AVPR1B: variants seen among roughly 807,000 people sequenced by gnomAD.
AVPR1B encodes the protein vasopressin V1b receptor.
Under a neutral mutation model 27.5 loss-of-function variants are expected in AVPR1B, and 25 were observed. The observed-to-expected ratio is 0.91, with a 90% confidence interval of 0.66 to 1.27. The LOEUF (loss-of-function observed/expected upper bound fraction) is 1.27. AVPR1B is among the 50% of genes most tolerant of loss of function. The pLI is 0.00. For missense variants in AVPR1B, 595 were observed against 556.9 expected (o/e 1.07, Z -0.69); for synonymous variants, 248 against 240.2 (o/e 1.03, Z -0.30).
rs1553290497 is a variant in AVPR1B, at chr1:206,116,232, C to T, written c.659G>A (p.Ser220Asn). ...LPVTMLTACY[S>N]LICHEICKNL... ...TTTACAGATCTCATGGCAGATGAGG[C>T]TGTAGCAGGCCGTGAGCATGGTCAC... is the stretch of plus-strand genomic sequence containing the variant. Residue 220 changes from serine (S) to asparagine (N), a missense_variant, in exon 1 of 2, where the codon AGC becomes AAC. Transcript: ENST00000367126. 1.2e-6 allele frequency: 2 copies of T among 1,613,720 alleles called. No homozygotes were observed. The highest frequency in any genetic ancestry group is 2.2e-5 in the South Asian group (2 of 91,078).
At chr1:206,115,012 T>A (rs1416030741) in intron 1 of AVPR1B, among the ~76,000 whole-genome samples, 3 of 152,184 alleles carry the variant, frequency 2.0e-5, no homozygotes. Flanking sequence ...AAGGGGCAGC[T>A]CCTCAGAGAT....
rs375758626 is a variant in AVPR1B at position 206,116,251 on chromosome 1, T to C, written c.640A>G (p.Met214Val). 2.5e-6 allele frequency: 4 copies of C among 1,613,564 alleles called. No homozygotes were observed. Among genetic ancestry groups the C allele is most frequent in the Non-Finnish European group, 3.4e-6 (4 of 1,179,998 alleles). Residue 214 changes from methionine (M) to valine (V), a missense_variant, in exon 1 of 2, where the codon ATG becomes GTG. Met to Val is a conservative substitution (Grantham distance 21). Coordinates refer to ENST00000367126, the MANE Select transcript of AVPR1B (RefSeq NM_000707.5). ...ATGAGGCTGTAGCAGGCCGTGAGCA[T>C]GGTCACCGGCAGAACGAAGATAGCC... Reference protein sequence around the residue: ...TLAIFVLPVTMLTACYSLICH... With the variant: ...TLAIFVLPVTVLTACYSLICH...
rs2102340308 is a variant in AVPR1B, at chr1:206,116,472, AG to A, written c.418del (p.Leu140CysfsTer38). The A allele has an allele frequency of 6.2e-7, 1 of 1,613,908 alleles. No individual in the cohort carries two copies. The highest frequency in any genetic ancestry group is 1.3e-5 in the African/African-American group (1 of 75,044). ...CTGGCCTGGCTGCTGGAGGCTGCGC[AG>A]GGGGTGACAGACAGCCAGGTAGCGG... ...LDRYLAVCHP[L>X]RSLQQPGQST... On this transcript the variant is annotated frameshift_variant, in exon 1 of 2. Transcript: ENST00000367126. LOFTEE classifies it high-confidence loss of function.
rs36106265 is a variant in AVPR1B at position 206,107,388 on chromosome 1, G to C, written c.*2801C>G. Among the ~76,000 whole-genome samples, 1,939 of 152,100 alleles carry C rather than the reference G, an allele frequency of 0.013. 51 individuals carry two copies. The highest frequency in any genetic ancestry group is 0.071 in the Admixed American group (1,082 of 15,270). The stretch of plus-strand genomic sequence containing the variant: ...CCCTCCTCCTTGAACCCTATCCAAG[G>C]CCCTTCCACTGGCCCAGACTGTCCA... On this transcript the variant is annotated 3_prime_UTR_variant, in exon 2 of 2. Transcript: ENST00000367126.
In AVPR1B at chr1:206,117,179, G is replaced by A; in HGVS notation, c.-289C>T. 2 of 399,862 alleles carry A rather than the reference G, an allele frequency of 5.0e-6. No individual in the cohort carries two copies. The highest frequency in any genetic ancestry group is 9.0e-6 in the Non-Finnish European group (2 of 223,280). 24.8% of individuals were successfully genotyped at this position (399,862 alleles called of 1,614,324 possible). ...CGGGAAGAATGGGGGACGCTGTGCA[G>A]AGTGAGGCTTCTGGGAGGGAAAGAA... On this transcript the variant is annotated 5_prime_UTR_variant, in exon 1 of 2. Coordinates refer to ENST00000367126, the MANE Select transcript of AVPR1B (RefSeq NM_000707.5).
intron 1 of AVPR1B, among the ~76,000 whole-genome samples, chr1:206,114,210 A>G (rs1399228202): frequency 6.6e-6 from 1 of 152,170 alleles, no homozygotes; most frequent in Non-Finnish European, 1.5e-5. Flanking sequence ...AACAATACAA[A>G]GGAAGGGGAC....
chr1:206,113,641 G>A (rs1558184984), intron 1 of AVPR1B, among the ~76,000 whole-genome samples: 2 of 152,184 alleles, frequency 1.3e-5, no homozygotes, highest in South Asian at 4.1e-4. Flanking sequence ...AGTGGCAGGA[G>A]CACCATCTTC....
At position 206,116,625 on chromosome 1, in the gene AVPR1B, A is replaced by G. The variant is rs1663479389; in HGVS notation, c.266T>C (p.Leu89Pro). Residue 89 changes from leucine to proline, a missense_variant, in exon 1 of 2, where the codon CTG (leucine) becomes CCG (proline). Transcript: ENST00000367126. The stretch of plus-strand genomic sequence containing the variant: ...GGTGATGTCCCACAGCAGCTGTGGC[A>G]GCACCTGGAAGAGCGCCACGGCCAG... ...TDLAVALFQV[L>P]PQLLWDITYR... The G allele has an allele frequency of 1.2e-6, 2 of 1,613,844 alleles. No individual in the cohort carries two copies. The highest frequency in any genetic ancestry group is 1.7e-6 in the Non-Finnish European group (2 of 1,179,954).
Position 206,116,761 on chromosome 1 carries a change from C to G in AVPR1B, c.130G>C (p.Val44Leu). Reference sequence around the variant, plus strand: ...TTGCCCCCGGTCGCCAGCACCAGGACAGTGGCCAGGACTCCGATCTCCACC... The same window carrying G: ...TTGCCCCCGGTCGCCAGCACCAGGAGAGTGGCCAGGACTCCGATCTCCACC... ...AKVEIGVLAT[V>L]LVLATGGNLA... Residue 44 changes from valine (V) to leucine (L), a missense_variant, in exon 1 of 2, where the codon GTC (valine) becomes CTC (leucine). Coordinates refer to ENST00000367126, the MANE Select transcript of AVPR1B (RefSeq NM_000707.5). 6.2e-7 allele frequency: 1 copy of G among 1,613,282 alleles called. No homozygotes were observed. The highest frequency in any genetic ancestry group is 8.5e-7 in the Non-Finnish European group (1 of 1,179,652).
At position 206,116,352 on chromosome 1, in the gene AVPR1B, C is replaced by A. The variant is rs1553290534; in HGVS notation, c.539G>T (p.Gly180Val). 1.7e-5 allele frequency: 27 copies of A among 1,613,580 alleles called. No individual in the cohort carries two copies. Among genetic ancestry groups the A allele is most frequent in the Non-Finnish European group, 2.2e-5 (26 of 1,180,040 alleles). ...FIFSLREVIQGSGVLDCWADF... is the reference protein window; with the variant it reads ...FIFSLREVIQVSGVLDCWADF... The stretch of plus-strand genomic sequence containing the variant: ...TGCCCAGCAGTCCAGCACCCCTGAG[C>A]CCTGGATCACCTCCCGCAGGGAAAA... The change falls in exon 1 of 2, where the codon GGC (glycine) becomes GTC (valine). Residue 180 changes from glycine to valine, a missense_variant. Physicochemically the swap from Gly to Val is moderately radical, Grantham distance 109 (BLOSUM62 -3). Coordinates refer to ENST00000367126, the MANE Select transcript of AVPR1B (RefSeq NM_000707.5).
At chr1:206,111,296 A>T (rs1571882219) in intron 1 of AVPR1B, among the ~76,000 whole-genome samples, 1 of 98,876 alleles carries the variant, frequency 1.0e-5, no homozygotes, top group Admixed American at 9.0e-5. Flanking sequence ...TCTCTTGGGC[A>T]GTCAAAATGT....
chr1:206,110,169 C>A lies in AVPR1B; in HGVS notation c.*20G>T, dbSNP rs782274377. On this transcript the variant is annotated 3_prime_UTR_variant, in exon 2 of 2. Coordinates refer to ENST00000367126, the MANE Select transcript of AVPR1B (RefSeq NM_000707.5). The stretch of plus-strand genomic sequence containing the variant: ...CCTCCACTAGTCCTGGGGGCAGTAC[C>A]AGACCCCAGCGAGTCTTTCCTAAAA... 8.8e-6 allele frequency: 14 copies of A among 1,591,498 alleles called. No homozygotes were observed. Among genetic ancestry groups the A allele is most frequent in the African/African-American group, 1.3e-5 (1 of 74,534 alleles).
At position 206,110,400 on chromosome 1, in the gene AVPR1B, C is replaced by A; in HGVS notation, c.1064G>T (p.Cys355Phe). Reference sequence around the variant, plus strand: ...CATCCTGGGCTGGGGACCCCCACAGCAGGCAAGGTGACGCAGGGGCCGCGG... The same window carrying A: ...CATCCTGGGCTGGGGACCCCCACAGAAGGCAAGGTGACGCAGGGGCCGCGG... ...LLPRPLRHLACCGGPQPRMRR... is the reference protein window; with the variant it reads ...LLPRPLRHLAFCGGPQPRMRR... The change falls in exon 2 of 2, where the codon TGC becomes TTC. Residue 355 changes from cysteine to phenylalanine, a missense_variant. Physicochemically the swap from Cys to Phe is radical, Grantham distance 205. Transcript: ENST00000367126. 2 of 1,612,930 alleles carry A rather than the reference C, an allele frequency of 1.2e-6. No homozygotes were observed. Among genetic ancestry groups the A allele is most frequent in the Non-Finnish European group, 1.7e-6 (2 of 1,179,554 alleles).
At position 206,110,102 on chromosome 1, in the gene AVPR1B, C is replaced by T; in HGVS notation, c.*87G>A. On this transcript the variant is annotated 3_prime_UTR_variant, in exon 2 of 2. Transcript: ENST00000367126. Reference sequence around the variant, plus strand: ...AGGGCTCCTCTAACTCCAACCCTTACCCTCCCAGCTCTCATTTCCAGTGCC... The same window carrying T: ...AGGGCTCCTCTAACTCCAACCCTTATCCTCCCAGCTCTCATTTCCAGTGCC... 1 of 1,432,100 alleles carries T rather than the reference C, an allele frequency of 7.0e-7. No homozygotes were observed. Among genetic ancestry groups the T allele is most frequent in the Admixed American group, 2.5e-5 (1 of 40,574 alleles). 88.7% of individuals were successfully genotyped at this position (1,432,100 alleles called of 1,614,324 possible).
Position 206,116,114 on chromosome 1 carries a change from A to G in AVPR1B, c.777T>C (p.Thr259=), listed in dbSNP as rs781999424. The stretch of plus-strand genomic sequence containing the variant: ...TGCTGACCCGAGATGGCAGCCCCCG[A>G]GTGGTGGCAGCTAAGGTGGAAGGTG... The part of the protein sequence containing the change: ...RPSPSTLAAT[T]RGLPSRVSSI... Residue 259 remains threonine, a synonymous_variant, in exon 1 of 2, where the codon ACT becomes ACC. Transcript: ENST00000367126. 1 of 1,614,056 alleles carries G rather than the reference A, an allele frequency of 6.2e-7. No individual in the cohort carries two copies. The highest frequency in any genetic ancestry group is 1.7e-5 in the Admixed American group (1 of 60,026).
At position 206,108,267 on chromosome 1, in the gene AVPR1B, G is replaced by T. The variant is rs553256136; in HGVS notation, c.*1922C>A. On this transcript the variant is annotated 3_prime_UTR_variant, in exon 2 of 2. Transcript: ENST00000367126. The stretch of plus-strand genomic sequence containing the variant: ...ATGTCAGGGGCTGACATGGGCAACA[G>T]AACTCAGTGAGAGGGAGACTGTGGG... 6.6e-6 allele frequency among the ~76,000 whole-genome samples: 1 copy of T among 152,340 alleles called. No homozygotes were observed. The highest frequency in any genetic ancestry group is 1.9e-4 in the East Asian group (1 of 5,178).
At chr1:206,112,752 G>T (rs1470422445) in intron 1 of AVPR1B, among the ~76,000 whole-genome samples, 1 of 152,138 alleles carries the variant, frequency 6.6e-6, no homozygotes, top group African/African-American at 2.4e-5. Flanking sequence ...GCCTCGCAAA[G>T]TGCTGGGATT....
In AVPR1B at chr1:206,116,897, G is replaced by T. The variant is rs185739144; in HGVS notation, c.-7C>A. 93 of 1,600,092 alleles carry T rather than the reference G, an allele frequency of 5.8e-5. No homozygotes were observed. In the East Asian group the frequency reaches 1.9e-3, roughly 32 times the overall value. The stretch of plus-strand genomic sequence containing the variant: ...ACAGAGGCCCAGAATCCATGAGCAA[G>T]GTTTGCTGGGAGGGAAGGATGAAGG... On this transcript the variant is annotated 5_prime_UTR_variant, in exon 1 of 2. Transcript: ENST00000367126.
chr1:206,114,537 G>T (rs542233543), intron 1 of AVPR1B, among the ~76,000 whole-genome samples: 2 of 152,126 alleles, frequency 1.3e-5, no homozygotes, highest in African/African-American at 4.8e-5. Context: ...ACCTCTGGAC[G>T]GCCAGACCAT....
Sources: gnomAD v4.1 joint callset for allele counts (sites outside exome capture counted in the v4.1 genomes callset) on GRCh38, gnomAD v4.1.1 for gene constraint, MANE v1.5 for transcripts, NCBI Gene and HGNC (gene_info 2026-07-23, HGNC 2026-07-21) for gene names.